Variants in HSPA12A observed in about 807,000 individuals in gnomAD.
The protein encoded by HSPA12A is heat shock protein family A (Hsp70) member 12A.
In HSPA12A, 28 loss-of-function variants were observed where a neutral mutation model predicts 69.2. The ratio of observed to expected loss-of-function variants is 0.40; its 90% confidence interval spans 0.30 to 0.55. The LOEUF is 0.55. HSPA12A is among the 20% of genes least tolerant of loss of function. The pLI is 0.38. For missense variants in HSPA12A, 686 were observed against 900.7 expected, an observed-to-expected ratio of 0.76 and a Z score of 3.05; for synonymous variants, 345 against 370.5, an observed-to-expected ratio of 0.93 and a Z score of 0.79.
At chr10:116,809,638 C>T (rs897878163) in intron 2 of HSPA12A, among the ~76,000 whole-genome samples, 1 of 152,192 alleles carries the variant, frequency 6.6e-6, no homozygotes, top group Non-Finnish European at 1.5e-5. Flanking sequence ...GGACTGTCTG[C>T]GGGGGAAACC....
chr10:116,798,235 A>T (rs1468411101), intron 2 of HSPA12A, among the ~76,000 whole-genome samples: 1 of 152,078 alleles, frequency 6.6e-6, no homozygotes, highest in Non-Finnish European at 1.5e-5. Flanking sequence ...TCAGGCAGCC[A>T]CTGCAACCTT....
At chr10:116,831,824 A>T (rs1384966513) in intron 2 of HSPA12A, 1 of 152,198 alleles carries the variant, frequency 6.6e-6, no homozygotes, top group Non-Finnish European at 1.5e-5. Context: ...TGATTTTAAA[A>T]TACTCATCTT....
At chr10:116,832,104 C>T (rs1681723) in intron 2 of HSPA12A, 78,859 of 152,086 alleles carry the variant, frequency 0.52, 20,998 homozygotes, top group East Asian at 0.86. Flanking sequence ...GGAAAAAGAA[C>T]GTGTGATACG....
chr10:116,818,220 A>G (rs779762668), intron 2 of HSPA12A, among the ~76,000 whole-genome samples: 5 of 152,150 alleles, frequency 3.3e-5, no homozygotes, highest in African/African-American at 4.8e-5. Flanking sequence ...AACCTGGCAT[A>G]TGAGCTTGGT....
At chr10:116,719,506 C>T (rs1850709730) in intron 1 of HSPA12A, among the ~76,000 whole-genome samples, 1 of 152,344 alleles carries the variant, frequency 6.6e-6, no homozygotes, top group Middle Eastern at 3.4e-3. Context: ...CATAATTTCC[C>T]TTCTCTGTAA....
At chr10:116,768,637 T>G (rs190131203) in intron 2 of HSPA12A, among the ~76,000 whole-genome samples, 3 of 152,134 alleles carry the variant, frequency 2.0e-5, no homozygotes, top group African/African-American at 7.2e-5. Context: ...TCTCAGCTTC[T>G]TGAGTAGCTG....
At chr10:116,847,653 TA>T (rs1564839502) in intron 1 of HSPA12A, among the ~76,000 whole-genome samples, 1 of 152,204 alleles carries the variant, frequency 6.6e-6, no homozygotes, top group Non-Finnish European at 1.5e-5. Context: ...TTATTATGTG[TA>T]AAACCCATTC....
intron 1 of HSPA12A, among the ~76,000 whole-genome samples, chr10:116,725,322 G>A (rs1554884841): frequency 6.6e-6 from 1 of 152,150 alleles, no homozygotes; most frequent in African/African-American, 2.4e-5. Context: ...CTCTGCTAGG[G>A]TCCCAGGCCT....
At chr10:116,726,282 T>C (rs1850960406) in intron 1 of HSPA12A, among the ~76,000 whole-genome samples, 1 of 152,192 alleles carries the variant, frequency 6.6e-6, no homozygotes, top group Non-Finnish European at 1.5e-5. Flanking sequence ...TTGAATAAAC[T>C]GCAAGAACCC....
Position 116,776,456 on chromosome 10 carries a change from A to T in HSPA12A, c.91+58479T>A, listed in dbSNP as rs77833080. On this transcript the variant is annotated intron_variant, in intron 2 of 12. Coordinates refer to the HSPA12A transcript ENST00000635765. ...GGCTTACAGTAAAACTCTACGCTCA[A>T]AATCAGCCGGGATTGATTCCTTATA... Among the ~76,000 whole-genome samples, 1,463 of 152,348 alleles carry T rather than the reference A, an allele frequency of 9.6e-3. 25 individuals carry two copies. The highest frequency in any genetic ancestry group is 0.032 in the African/African-American group (1,320 of 41,572).
chr10:116,746,490 A>G (rs1057435021), upstream of HSPA12A, among the ~76,000 whole-genome samples: 11 of 152,204 alleles, frequency 7.2e-5, no homozygotes, highest in African/African-American at 2.7e-4. Context: ...AGCAGAGAGC[A>G]TGGGGTCAGC....
At chr10:116,742,990 G>C (rs1196730074), upstream of HSPA12A, among the ~76,000 whole-genome samples, 3 of 152,158 alleles carry the variant, frequency 2.0e-5, no homozygotes, top group African/African-American at 7.2e-5. Flanking sequence ...GTCCCCACCA[G>C]CTTCTGTCTG....
In HSPA12A at chr10:116,699,410, G is replaced by A. The variant is rs138039204; in HGVS notation, c.442-671C>T. Among the ~76,000 whole-genome samples, 316 of 152,280 alleles carry A rather than the reference G, an allele frequency of 2.1e-3. 1 individual carries two copies. The highest frequency in any genetic ancestry group is 7.1e-3 in the African/African-American group (296 of 41,556). On this transcript the variant is annotated intron_variant, in intron 4 of 11. Transcript: ENST00000369209. ...AAAAAATGATGAGAAAAGTCCCTGT[G>A]GGGTAGGGATGGGCAGGGAGTGAGA...
At chr10:116,737,823 C>G (rs1240501446) in intron 1 of HSPA12A, among the ~76,000 whole-genome samples, 5 of 152,176 alleles carry the variant, frequency 3.3e-5, no homozygotes, top group African/African-American at 1.2e-4. Context: ...AAAGCTGCAG[C>G]CTGGGAGTCA....
At chr10:116,809,753 C>T (rs1311857968) in intron 2 of HSPA12A, among the ~76,000 whole-genome samples, 2 of 152,246 alleles carry the variant, frequency 1.3e-5, no homozygotes. Context: ...GTCCCCACTA[C>T]TGCATCTGCT....
intron 1 of HSPA12A, among the ~76,000 whole-genome samples, chr10:116,717,264 T>A (rs907145797): frequency 4.8e-4 from 73 of 152,154 alleles, no homozygotes; most frequent in African/African-American, 1.5e-3. Flanking sequence ...CACCTGCACG[T>A]TCCCAGTGCC....
At position 116,707,191 on chromosome 10, in the gene HSPA12A, A is replaced by ACACACT; in HGVS notation, c.126+8_126+9insAGTGTG. ...CACACACACACACACACACACACACACTTCTTACCACAATATGGGAGGGGG... is the reference window on the plus strand; with the variant it reads ...CACACACACACACACACACACACACACACACTCTTCTTACCACAATATGGGAGGGGG... On this transcript the variant is annotated intron_variant, in intron 2 of 11. Coordinates refer to ENST00000369209, the MANE Select transcript of HSPA12A (RefSeq NM_025015.3). The ACACACT allele has an allele frequency of 6.4e-7, 1 of 1,570,762 alleles. No homozygotes were observed. The highest frequency in any genetic ancestry group is 8.7e-7 in the Non-Finnish European group (1 of 1,150,740).
intron 6 of HSPA12A, among the ~76,000 whole-genome samples, chr10:116,690,408 A>C (rs1200310524): frequency 6.6e-6 from 1 of 152,240 alleles, no homozygotes. Flanking sequence ...ATGCATGAAC[A>C]AAAAAAGCAA....
chr10:116,746,417 C>T (rs770098626), upstream of HSPA12A, among the ~76,000 whole-genome samples: 1 of 152,190 alleles, frequency 6.6e-6, no homozygotes, highest in Non-Finnish European at 1.5e-5. Flanking sequence ...GGACCAGATG[C>T]TAAGGGCAGT....
Sources: allele counts gnomAD v4.1 joint callset (sites outside exome capture counted in the v4.1 genomes callset), GRCh38; gene constraint gnomAD v4.1.1; transcripts MANE v1.5; gene names NCBI Gene and HGNC (gene_info 2026-07-23, HGNC 2026-07-21).